The following SYT9 variants were observed in gnomAD, a reference collection of about 807,000 sequenced individuals.
The protein encoded by SYT9 is synaptotagmin-9.
Under a neutral mutation model 48.4 loss-of-function variants are expected in SYT9, and 22 were observed. The ratio of observed to expected loss-of-function variants is 0.45; its 90% confidence interval spans 0.32 to 0.65. The LOEUF is 0.65. Among genes scored for constraint, SYT9 ranks in the 30% least tolerant of loss-of-function variants. The pLI, the probability that SYT9 is intolerant of heterozygous loss-of-function variation, is 0.03. For missense variants in SYT9, 577 were observed against 622.0 expected (o/e 0.93, Z 0.77); for synonymous variants, 265 against 245.0 (o/e 1.08, Z -0.76).
At chr11:7,307,882 G>A (rs1187863615) in intron 2 of SYT9, among the ~76,000 whole-genome samples, 1 of 152,236 alleles carries the variant, frequency 6.6e-6, no homozygotes, top group African/African-American at 2.4e-5. Flanking sequence ...ACTTTGGAGG[G>A]AGTGGGAGGA....
At chr11:7,246,278 T>C (rs903148116) in intron 1 of SYT9, among the ~76,000 whole-genome samples, 2 of 152,220 alleles carry the variant, frequency 1.3e-5, no homozygotes, top group African/African-American at 4.8e-5. Flanking sequence ...AAAAGTTCAC[T>C]TTCTATCTAT....
intron 1 of SYT9, among the ~76,000 whole-genome samples, chr11:7,296,628 G>T (rs764962779): frequency 6.6e-6 from 1 of 152,044 alleles, no homozygotes; most frequent in African/African-American, 2.4e-5. Context: ...TTTTAGAGAA[G>T]TTTTAGTTTC....
chr11:7,294,398 T>G (rs1373634103), intron 1 of SYT9, among the ~76,000 whole-genome samples: 1 of 152,206 alleles, frequency 6.6e-6, no homozygotes, highest in Non-Finnish European at 1.5e-5. Context: ...TCCAGTCTCA[T>G]CTAAATATTA....
rs533322344 is a variant in SYT9 at position 7,459,083 on chromosome 11, A to G, written c.1468-7709A>G. 5.3e-5 allele frequency among the ~76,000 whole-genome samples: 8 copies of G among 152,350 alleles called. No individual in the cohort carries two copies. The East Asian group carries it at 5.8e-4, about 11-fold the overall frequency. On this transcript the variant is annotated intron_variant, in intron 6 of 6. Coordinates refer to ENST00000318881, the MANE Select transcript of SYT9 (RefSeq NM_175733.4). ...CTGGGTATATTTTGAAGGGAGACCC[A>G]ATAGGGTTTTCTGTAGGGTATGAGA...
intron 3 of SYT9, 108 bp downstream of exon 3, chr11:7,314,049 T>A: frequency 7.8e-7 from 1 of 1,282,382 alleles, no homozygotes; most frequent in Non-Finnish European, 1.1e-6. Context: ...CCTGTCAATG[T>A]ACATGTAGCA....
intron 3 of SYT9, among the ~76,000 whole-genome samples, chr11:7,315,716 C>T (rs1362461972): frequency 6.6e-6 from 1 of 152,176 alleles, no homozygotes; most frequent in Non-Finnish European, 1.5e-5. Flanking sequence ...GGACAGGTTC[C>T]TGTGGAACAA....
chr11:7,292,508 C>G (rs1848712345), intron 1 of SYT9, among the ~76,000 whole-genome samples: 1 of 152,218 alleles, frequency 6.6e-6, no homozygotes, highest in Non-Finnish European at 1.5e-5. Context: ...CAAAGCTGGT[C>G]TCCATTTCCT....
intron 1 of SYT9, among the ~76,000 whole-genome samples, chr11:7,257,816 T>C (rs1227103272): frequency 6.6e-6 from 1 of 152,182 alleles, no homozygotes; most frequent in Non-Finnish European, 1.5e-5. Flanking sequence ...ATATTTTATT[T>C]AAACAAGTGT....
chr11:7,244,805 G>C (rs1291133109), intron 1 of SYT9, among the ~76,000 whole-genome samples: 1 of 152,190 alleles, frequency 6.6e-6, no homozygotes, highest in Non-Finnish European at 1.5e-5. Flanking sequence ...AGGAACAGGG[G>C]TAAGGATGTG....
intron 6 of SYT9, among the ~76,000 whole-genome samples, chr11:7,442,068 A>T (rs904269417): frequency 6.6e-6 from 1 of 152,120 alleles, no homozygotes; most frequent in Non-Finnish European, 1.5e-5. Context: ...ACAGGGCAGC[A>T]AACGAAATCT....
chr11:7,398,106 A>G (rs1846792871), intron 3 of SYT9, among the ~76,000 whole-genome samples: 1 of 152,168 alleles, frequency 6.6e-6, no homozygotes. Context: ...AGCTTTTTAC[A>G]GATCCCCATC....
At chr11:7,403,889 G>A (rs1846950583) in intron 3 of SYT9, among the ~76,000 whole-genome samples, 1 of 152,116 alleles carries the variant, frequency 6.6e-6, no homozygotes, top group South Asian at 2.1e-4. Flanking sequence ...AATTAGGGAT[G>A]TGTCTGTATA....
In SYT9 at chr11:7,252,051, C is replaced by A. The variant is rs1847877175; in HGVS notation, c.-136C>A. 9.3e-7 allele frequency: 1 copy of A among 1,073,436 alleles called. No individual in the cohort carries two copies. Among genetic ancestry groups the A allele is most frequent in the Admixed American group, 4.3e-5 (1 of 23,436 alleles). 66.5% of individuals were successfully genotyped at this position (1,073,436 alleles called of 1,614,324 possible). A position where few individuals can be genotyped will look rare whatever the true frequency, so the allele number is the denominator to read the frequency against. On this transcript the variant is annotated 5_prime_UTR_variant, in exon 1 of 7. Transcript: ENST00000318881. The surrounding 1 kb of genome is among the most constrained non-coding windows in gnomAD (Gnocchi z 6.3). ...GGGCCGGCTGGGTCTGGGGCTCGGG[C>A]TCAGGCTCGCACCGTTTCTCGGCAG... is the stretch of plus-strand genomic sequence containing the variant.
At chr11:7,375,514 C>G (rs1026016997) in intron 3 of SYT9, among the ~76,000 whole-genome samples, 1 of 152,088 alleles carries the variant, frequency 6.6e-6, no homozygotes, top group South Asian at 2.1e-4. Flanking sequence ...GGCAGTATGG[C>G]CATTTTCATG....
Position 7,416,088 on chromosome 11 carries a change from C to T in SYT9, c.1091C>T (p.Pro364Leu). ...CTGATGTTTTCCCTGTGCTATCTTC[C>T]AACGGCTGGCAGGCTGACCATTACC... Reference protein sequence around the residue: ...GELMFSLCYLPTAGRLTITII... With the variant: ...GELMFSLCYLLTAGRLTITII... The change falls in exon 4 of 7, where the codon CCA becomes CTA. Residue 364 changes from proline to leucine, a missense_variant. Pro to Leu is a moderately conservative substitution (Grantham distance 98). Transcript: ENST00000318881. 6.2e-7 allele frequency: 1 copy of T among 1,614,152 alleles called. No individual in the cohort carries two copies. The highest frequency in any genetic ancestry group is 8.5e-7 in the Non-Finnish European group (1 of 1,180,026).
intron 3 of SYT9, among the ~76,000 whole-genome samples, chr11:7,333,609 A>G (rs1054306083): frequency 4.6e-5 from 7 of 152,180 alleles, no homozygotes; most frequent in South Asian, 2.1e-4. Flanking sequence ...ATACTCCTCT[A>G]TTACACATTT....
upstream of SYT9, among the ~76,000 whole-genome samples, chr11:7,250,554 A>G (rs1047001368): frequency 7.4e-5 from 11 of 147,890 alleles, no homozygotes; most frequent in Non-Finnish European, 1.6e-4. Flanking sequence ...CATCTGCTCA[A>G]CCTCCCCTAC....
At chr11:7,416,790 T>C (rs926497826) in intron 4 of SYT9, among the ~76,000 whole-genome samples, 3 of 152,130 alleles carry the variant, frequency 2.0e-5, no homozygotes, top group African/African-American at 7.2e-5. Flanking sequence ...CAAGGGACAA[T>C]AGTACTCTCT....
chr11:7,306,714 G>A (rs968987077), intron 2 of SYT9, among the ~76,000 whole-genome samples: 5 of 151,932 alleles, frequency 3.3e-5, no homozygotes, highest in Non-Finnish European at 7.4e-5. Flanking sequence ...AGTTCTCCCC[G>A]GCCACTCCAT....
Sources: gnomAD v4.1 joint callset for allele counts (sites outside exome capture counted in the v4.1 genomes callset) on GRCh38, gnomAD v4.1.1 for gene constraint, Gnocchi (gnomAD v3.1) non-coding constraint, MANE v1.5 for transcripts, NCBI Gene and HGNC (gene_info 2026-07-23, HGNC 2026-07-21) for gene names.